CDK14: variants seen among roughly 807,000 people sequenced by gnomAD.
CDK14 encodes the protein cyclin-dependent kinase 14.
A neutral mutation model predicts 60.7 loss-of-function variants in CDK14; 34 were observed. The observed-to-expected ratio is 0.56, with a 90% confidence interval of 0.43 to 0.75. The LOEUF (loss-of-function observed/expected upper bound fraction) is 0.75. Ranked by LOEUF, CDK14 falls within the 30% of genes least tolerant of loss-of-function variation. The pLI is 0.00. For missense variants in CDK14, 482 were observed against 564.1 expected (o/e 0.85, Z 1.47); for synonymous variants, 197 against 203.7 (o/e 0.97, Z 0.28).
At chr7:90,782,961 G>A (rs1805409171) in intron 4 of CDK14, among the ~76,000 whole-genome samples, 1 of 152,096 alleles carries the variant, frequency 6.6e-6, no homozygotes, top group South Asian at 2.1e-4. Flanking sequence ...TGGGAGCCTG[G>A]ATGATTACTG....
intron 2 of CDK14, among the ~76,000 whole-genome samples, chr7:90,615,954 C>T (rs1405958165): frequency 6.6e-6 from 1 of 152,114 alleles, no homozygotes; most frequent in African/African-American, 2.4e-5. Flanking sequence ...CAAGTGAGTT[C>T]AGAGTTTGAG....
intron 14 of CDK14, among the ~76,000 whole-genome samples, chr7:91,145,400 T>G (rs1483385516): frequency 6.6e-6 from 1 of 152,226 alleles, no homozygotes; most frequent in Non-Finnish European, 1.5e-5. Context: ...TATGCCACAC[T>G]GCACATAAGA....
intron 12 of CDK14, among the ~76,000 whole-genome samples, chr7:91,085,492 C>A (rs542867437): frequency 1.3e-5 from 2 of 152,140 alleles, no homozygotes; most frequent in Non-Finnish European, 2.9e-5. Context: ...TAGATTGGGC[C>A]CACCTGGTTA....
At chr7:90,951,828 T>A (rs559541012) in intron 8 of CDK14, among the ~76,000 whole-genome samples, 1 of 152,274 alleles carries the variant, frequency 6.6e-6, no homozygotes, top group South Asian at 2.1e-4. Context: ...ATTGAGTGCC[T>A]GTAGGACATC....
intron 7 of CDK14, among the ~76,000 whole-genome samples, chr7:90,912,265 G>T (rs1388304218): frequency 6.6e-6 from 1 of 152,088 alleles, no homozygotes; most frequent in African/African-American, 2.4e-5. Flanking sequence ...CTTCTCTCAT[G>T]TTATCTATTT....
chr7:91,130,634 T>C (rs1185734011), intron 14 of CDK14, among the ~76,000 whole-genome samples: 1 of 152,190 alleles, frequency 6.6e-6, no homozygotes, highest in Non-Finnish European at 1.5e-5. Context: ...ATTTAATATC[T>C]CAATTTTTCT....
In CDK14 at chr7:90,650,309, G is replaced by GT. The variant is rs567417007; in HGVS notation, c.123+46067dup. On this transcript the variant is annotated intron_variant, in intron 2 of 14. Transcript: ENST00000380050. ...TGCCCACTTTTTGACGGGGTCGTTT[G>GT]TTTTTTTCTTGTAAATTTGTTTAAG... Among the ~76,000 whole-genome samples, 2,487 of 151,952 alleles carry GT rather than the reference G, an allele frequency of 0.016. 160 individuals are homozygous for GT. The East Asian group carries it at 0.19, about 12-fold the overall frequency.
At chr7:90,831,904 C>T (rs1789924488) in intron 5 of CDK14, among the ~76,000 whole-genome samples, 1 of 152,032 alleles carries the variant, frequency 6.6e-6, no homozygotes, top group Non-Finnish European at 1.5e-5. Flanking sequence ...TCTTTAATCT[C>T]ACAGCACATG....
At chr7:90,631,370 A>C (rs1004251905) in intron 2 of CDK14, among the ~76,000 whole-genome samples, 7 of 152,212 alleles carry the variant, frequency 4.6e-5, no homozygotes, top group Admixed American at 1.3e-4. Flanking sequence ...TAGGGAGAGC[A>C]GACCACCTTG....
At chr7:91,062,475 T>C (rs1012037496) in intron 11 of CDK14, among the ~76,000 whole-genome samples, 14 of 151,916 alleles carry the variant, frequency 9.2e-5, no homozygotes, top group Non-Finnish European at 1.6e-4. Context: ...CAGAAATCAT[T>C]TGTCTTCTTC....
chr7:90,967,558 A>C (rs1794789831), intron 9 of CDK14, among the ~76,000 whole-genome samples: 1 of 152,176 alleles, frequency 6.6e-6, no homozygotes, highest in African/African-American at 2.4e-5. Context: ...TATAATCCCT[A>C]CCATTTAACT....
chr7:90,917,941 A>C (rs1793131400), intron 8 of CDK14, among the ~76,000 whole-genome samples: 1 of 152,126 alleles, frequency 6.6e-6, no homozygotes, highest in Non-Finnish European at 1.5e-5. Context: ...TAGAGTCTTT[A>C]ATAATAAACA....
chr7:91,058,869 T>TTTTG (rs909802908), intron 11 of CDK14, among the ~76,000 whole-genome samples: 1 of 152,212 alleles, frequency 6.6e-6, no homozygotes, highest in African/African-American at 2.4e-5. Context: ...AATTCTCTTT[T>TTTTG]TTTGTTGTGT....
intron 7 of CDK14, among the ~76,000 whole-genome samples, chr7:90,916,623 A>AAACT (rs1265155345): frequency 6.6e-6 from 1 of 152,212 alleles, no homozygotes; most frequent in Admixed American, 6.5e-5. Context: ...AATTGCCCTG[A>AAACT]AACTGCCTTT....
At chr7:90,675,291 TTA>T (rs1449148880) in intron 2 of CDK14, among the ~76,000 whole-genome samples, 8 of 152,220 alleles carry the variant, frequency 5.3e-5, no homozygotes, top group African/African-American at 1.9e-4. Context: ...TGTAGCAATA[TTA>T]TAACACTTTC....
At chr7:91,182,870 T>A (rs1395977570) in intron 14 of CDK14, among the ~76,000 whole-genome samples, 1 of 152,222 alleles carries the variant, frequency 6.6e-6, no homozygotes, top group East Asian at 1.9e-4. Flanking sequence ...TAATTAACAT[T>A]TTAACCAGAT....
chr7:90,711,461 T>C (rs1257303190), intron 2 of CDK14, among the ~76,000 whole-genome samples: 1 of 151,650 alleles, frequency 6.6e-6, no homozygotes, highest in East Asian at 1.9e-4. Context: ...TATTTTTACC[T>C]TTACTTTGTG....
intron 2 of CDK14, among the ~76,000 whole-genome samples, chr7:90,702,041 A>G (rs75165207): frequency 6.6e-6 from 1 of 151,934 alleles, no homozygotes; most frequent in African/African-American, 2.4e-5. Context: ...GGGAAGGATT[A>G]CTCTAAGTTG....
intron 6 of CDK14, among the ~76,000 whole-genome samples, chr7:90,867,511 C>T (rs910141039): frequency 6.6e-6 from 1 of 152,098 alleles, no homozygotes; most frequent in African/African-American, 2.4e-5. Context: ...TAACTGTTCT[C>T]TTTTAAATTA....
Sources: gnomAD v4.1 joint callset for allele counts (sites outside exome capture counted in the v4.1 genomes callset) on GRCh38, gnomAD v4.1.1 for gene constraint, MANE v1.5 for transcripts, NCBI Gene and HGNC (gene_info 2026-07-23, HGNC 2026-07-21) for gene names.